The following GRID2 variants were observed in gnomAD, a reference collection of about 807,000 sequenced individuals.
GRID2 encodes glutamate ionotropic receptor delta type subunit 2.
A neutral mutation model predicts 114.8 loss-of-function variants in GRID2; 33 were observed. The ratio of observed to expected loss-of-function variants is 0.29; its 90% confidence interval spans 0.22 to 0.38. The LOEUF is 0.38. Ranked by LOEUF, GRID2 falls within the 10% of genes least tolerant of loss-of-function variation. GRID2 has a pLI of 1.00. For missense variants in GRID2, 1,184 were observed against 1,257.7 expected, an observed-to-expected ratio of 0.94 and a Z score of 0.89; for synonymous variants, 505 against 449.9, an observed-to-expected ratio of 1.12 and a Z score of -1.55.
At chr4:93,277,553 A>G (rs748116872) in intron 8 of GRID2, among the ~76,000 whole-genome samples, 6 of 152,108 alleles carry the variant, frequency 3.9e-5, no homozygotes, top group Admixed American at 1.3e-4. Flanking sequence ...TAAAATAACT[A>G]TAGTTAATTT....
intron 2 of GRID2, among the ~76,000 whole-genome samples, chr4:92,793,552 TAAAAA>T (rs530359413): frequency 1.4e-5 from 2 of 144,422 alleles, no homozygotes; most frequent in Admixed American, 1.4e-4. Flanking sequence ...AAATAAAAAT[TAAAAA>T]AAAAAAGAAA....
rs1731777930 is a variant in GRID2 at position 93,745,618 on chromosome 4, C to G, written c.2361-23592C>G. On this transcript the variant is annotated intron_variant, in intron 14 of 15. Transcript: ENST00000282020. Reference sequence around the variant, plus strand: ...AGCTCTGAAAGTGAACCTCTTTTTACATTTGTACTTGATTTTGAAACATGC... The same window carrying G: ...AGCTCTGAAAGTGAACCTCTTTTTAGATTTGTACTTGATTTTGAAACATGC... 2.0e-5 allele frequency among the ~76,000 whole-genome samples: 3 copies of G among 152,030 alleles called. No homozygotes were observed. In the South Asian group the frequency reaches 6.2e-4, roughly 31 times the overall value.
chr4:92,561,894 G>T (rs1340863236), intron 1 of GRID2, among the ~76,000 whole-genome samples: 3 of 152,118 alleles, frequency 2.0e-5, no homozygotes, highest in African/African-American at 7.2e-5. Context: ...CATGTCAGAA[G>T]ATCACGTGAT....
At chr4:92,452,867 T>A (rs368115380) in intron 1 of GRID2, among the ~76,000 whole-genome samples, 4 of 133,124 alleles carry the variant, frequency 3.0e-5, no homozygotes, top group South Asian at 2.2e-4. Flanking sequence ...CCATATATAT[T>A]TTTTTACCAT....
chr4:93,186,159 T>C (rs1740398499), intron 4 of GRID2, among the ~76,000 whole-genome samples: 2 of 152,180 alleles, frequency 1.3e-5, no homozygotes, highest in South Asian at 2.1e-4. Flanking sequence ...TGATGGACAT[T>C]TGGGTTGGTT....
intron 2 of GRID2, among the ~76,000 whole-genome samples, chr4:92,801,446 C>A (rs2149372377): frequency 6.6e-6 from 1 of 152,040 alleles, no homozygotes; most frequent in Admixed American, 6.6e-5. Flanking sequence ...AATTCCACCC[C>A]CATTAAGGTA....
intron 2 of GRID2, among the ~76,000 whole-genome samples, chr4:92,627,037 G>T (rs1052277023): frequency 6.6e-6 from 1 of 152,088 alleles, no homozygotes; most frequent in African/African-American, 2.4e-5. Flanking sequence ...AAAGTTAGCA[G>T]AATAAGCACA....
At chr4:92,771,936 G>A (rs17019889) in intron 2 of GRID2, among the ~76,000 whole-genome samples, 5,216 of 152,210 alleles carry the variant, frequency 0.034, 164 homozygotes, top group East Asian at 0.12. Context: ...AGGAAAATAC[G>A]TCTACTATTG....
chr4:93,071,682 G>A (rs1728817465), intron 2 of GRID2, among the ~76,000 whole-genome samples: 1 of 152,006 alleles, frequency 6.6e-6, no homozygotes, highest in Non-Finnish European at 1.5e-5. Context: ...ACCAATGAGT[G>A]AGCCAAAATA....
At chr4:93,339,682 A>G (rs1759447323) in intron 8 of GRID2, among the ~76,000 whole-genome samples, 1 of 152,036 alleles carries the variant, frequency 6.6e-6, no homozygotes, top group Non-Finnish European at 1.5e-5. Context: ...ATTTTTCTTT[A>G]TCTGTATTAG....
chr4:93,540,239 T>C (rs1000421209), intron 13 of GRID2, among the ~76,000 whole-genome samples: 2 of 152,142 alleles, frequency 1.3e-5, no homozygotes, highest in East Asian at 3.9e-4. Context: ...TATTGCGATG[T>C]TTTTTAACTC....
intron 1 of GRID2, among the ~76,000 whole-genome samples, chr4:92,504,998 TATTA>T (rs1723883378): frequency 1.3e-5 from 2 of 152,030 alleles, no homozygotes; most frequent in South Asian, 4.1e-4. Flanking sequence ...AGAAACATTT[TATTA>T]ATTAAACCGT....
intron 4 of GRID2, among the ~76,000 whole-genome samples, chr4:93,179,111 C>A (rs939244549): frequency 6.6e-6 from 1 of 152,176 alleles, no homozygotes; most frequent in Non-Finnish European, 1.5e-5. Context: ...AGAACTGGAT[C>A]TGAGCTGAGA....
At chr4:93,474,583 C>T (rs1432858336) in intron 11 of GRID2, among the ~76,000 whole-genome samples, 1 of 152,016 alleles carries the variant, frequency 6.6e-6, no homozygotes, top group African/African-American at 2.4e-5. Flanking sequence ...TTATTCTAGT[C>T]ATTGAGGAGA....
chr4:93,673,345 C>A (rs1407270192), intron 14 of GRID2, among the ~76,000 whole-genome samples: 1 of 152,092 alleles, frequency 6.6e-6, no homozygotes, highest in Non-Finnish European at 1.5e-5. Flanking sequence ...TTTAATTTTT[C>A]ATCTTTGATT....
chr4:92,805,360 T>C (rs1740360197), intron 2 of GRID2, among the ~76,000 whole-genome samples: 1 of 152,004 alleles, frequency 6.6e-6, no homozygotes, highest in Non-Finnish European at 1.5e-5. Context: ...CTCTTTTTGG[T>C]GTTAATAGAA....
chr4:92,551,267 T>C (rs144645046), intron 1 of GRID2, among the ~76,000 whole-genome samples: 105 of 150,862 alleles, frequency 7.0e-4, no homozygotes, highest in African/African-American at 2.2e-3. Flanking sequence ...TGTGTGTGTG[T>C]GTGTGTGTGT....
chr4:93,200,011 T>G (rs946676914), intron 4 of GRID2, among the ~76,000 whole-genome samples: 4 of 152,198 alleles, frequency 2.6e-5, no homozygotes, highest in African/African-American at 7.2e-5. Context: ...TGCATTTTTT[T>G]GGTTGGTGTT....
chr4:93,049,405 T>C (rs1578847759), intron 2 of GRID2, among the ~76,000 whole-genome samples: 2 of 152,128 alleles, frequency 1.3e-5, no homozygotes, highest in Middle Eastern at 3.4e-3. Flanking sequence ...GTATTCACTT[T>C]TGACTCTCTG....
Sources: allele counts gnomAD v4.1 joint callset (sites outside exome capture counted in the v4.1 genomes callset), GRCh38; gene constraint gnomAD v4.1.1; transcripts MANE v1.5; gene names NCBI Gene and HGNC (gene_info 2026-07-23, HGNC 2026-07-21).